Variants in RRAS2 observed in about 807,000 individuals in gnomAD.
RRAS2 encodes the protein RAS related 2.
Under a neutral mutation model 27.6 loss-of-function variants are expected in RRAS2, and 7 were observed. The observed-to-expected ratio is 0.25, with a 90% CI of 0.14 to 0.48. The LOEUF (loss-of-function observed/expected upper bound fraction) is 0.48. Among genes scored for constraint, RRAS2 ranks in the 20% least tolerant of loss-of-function variants. RRAS2 has a pLI of 0.99. For missense variants in RRAS2, 178 were observed against 256.2 expected (o/e 0.69, Z 2.08); for synonymous variants, 86 against 90.9 (o/e 0.95, Z 0.31).
intron 1 of RRAS2, among the ~76,000 whole-genome samples, chr11:14,316,187 G>A (rs1170202009): frequency 3.3e-5 from 5 of 151,980 alleles, no homozygotes; most frequent in South Asian, 2.1e-4. Context: ...AGTGACAATC[G>A]CACAGTGCAA....
chr11:14,288,957 T>G (rs1458136084), intron 4 of RRAS2, among the ~76,000 whole-genome samples: 1 of 152,240 alleles, frequency 6.6e-6, no homozygotes, highest in African/African-American at 2.4e-5. Context: ...CAAATACTTA[T>G]TTAGTGCATA....
At position 14,364,376 on chromosome 11, in the gene RRAS2, G is replaced by A. The variant is rs1554956481; in HGVS notation, c.-124+15C>T. 6 of 1,535,908 alleles carry A rather than the reference G, an allele frequency of 3.9e-6. No homozygotes were observed. In the South Asian group the frequency reaches 5.9e-5, roughly 15 times the overall value. ...AAGAAGGCCAAGCCCCCAGATCAGAGCCTGCAATACTTACCATGGGTGATG... is the reference window on the plus strand; with the variant it reads ...AAGAAGGCCAAGCCCCCAGATCAGAACCTGCAATACTTACCATGGGTGATG... On this transcript the variant is annotated intron_variant, in intron 1 of 5. Transcript: ENST00000529237.
chr11:14,316,047 GA>G (rs1348906214), intron 1 of RRAS2, among the ~76,000 whole-genome samples: 2 of 152,066 alleles, frequency 1.3e-5, no homozygotes, highest in Non-Finnish European at 2.9e-5. Context: ...ACGTAGTTCA[GA>G]AGAGATTTTA....
At chr11:14,314,684 T>G (rs887633590) in intron 1 of RRAS2, among the ~76,000 whole-genome samples, 1 of 152,106 alleles carries the variant, frequency 6.6e-6, no homozygotes, top group Non-Finnish European at 1.5e-5. Context: ...AGGCACATGG[T>G]TTTTTTGTAG....
chr11:14,311,185 T>A lies in RRAS2; in HGVS notation c.109-15330A>T, dbSNP rs184503163. On this transcript the variant is annotated intron_variant, in intron 1 of 5. Transcript: ENST00000256196. Reference sequence around the variant, plus strand: ...CAACATAGCAAGACCTATAAAAAAATAACCTAAAAATTGACCCGGTGTGGT... The same window carrying A: ...CAACATAGCAAGACCTATAAAAAAAAAACCTAAAAATTGACCCGGTGTGGT... Among the ~76,000 whole-genome samples, 1,184 of 151,956 alleles carry A rather than the reference T, an allele frequency of 7.8e-3. 8 individuals carry two copies. Among genetic ancestry groups the A allele is most frequent in the Non-Finnish European group, 0.014 (956 of 67,942 alleles).
At chr11:14,346,100 G>A (rs1384433760) in intron 1 of RRAS2, among the ~76,000 whole-genome samples, 1 of 151,970 alleles carries the variant, frequency 6.6e-6, no homozygotes, top group Non-Finnish European at 1.5e-5. Flanking sequence ...GAGAAATCAA[G>A]GGCACTAAAT....
chr11:14,287,744 G>A, intron 4 of RRAS2, among the ~76,000 whole-genome samples: 1 of 151,654 alleles, frequency 6.6e-6, no homozygotes, highest in South Asian at 2.1e-4. Context: ...TGATGGCACG[G>A]GCCTGTAATC....
chr11:14,338,715 T>G (rs1848638592), intron 1 of RRAS2, among the ~76,000 whole-genome samples: 1 of 152,174 alleles, frequency 6.6e-6, no homozygotes, highest in African/African-American at 2.4e-5. Flanking sequence ...AATCCTAATT[T>G]TTTTTAAACC....
intron 1 of RRAS2, chr11:14,337,257 T>C (rs1190983514): frequency 6.6e-6 from 1 of 152,218 alleles, no homozygotes; most frequent in Non-Finnish European, 1.5e-5. Context: ...GGACAATGAA[T>C]CATCCCTTTG....
At chr11:14,348,383 C>G (rs1199442693) in intron 1 of RRAS2, among the ~76,000 whole-genome samples, 2 of 152,178 alleles carry the variant, frequency 1.3e-5, no homozygotes, top group East Asian at 1.9e-4. Context: ...CTTTCACATA[C>G]TAGTTTTAAC....
chr11:14,360,802 T>C (rs1849181369), upstream of RRAS2, among the ~76,000 whole-genome samples: 1 of 151,318 alleles, frequency 6.6e-6, no homozygotes, highest in Admixed American at 6.6e-5. Context: ...GCACTTGTAC[T>C]CTCCGCTACT....
chr11:14,344,265 T>C (rs1470534011), intron 1 of RRAS2, among the ~76,000 whole-genome samples: 1 of 152,230 alleles, frequency 6.6e-6, no homozygotes, highest in Non-Finnish European at 1.5e-5. Flanking sequence ...AATTTAAACA[T>C]CTGCAACTCG....
intron 1 of RRAS2, among the ~76,000 whole-genome samples, chr11:14,322,585 A>G (rs1416159015): frequency 1.8e-4 from 28 of 152,158 alleles, no homozygotes; most frequent in African/African-American, 6.8e-4. Context: ...TTTTTTCCAA[A>G]TTATTTACCT....
intron 1 of RRAS2, among the ~76,000 whole-genome samples, chr11:14,316,154 G>A (rs1391850990): frequency 6.6e-6 from 1 of 152,124 alleles, no homozygotes; most frequent in Non-Finnish European, 1.5e-5. Flanking sequence ...ATATTTGACT[G>A]TTTCCTCATT....
At chr11:14,293,260 C>T (rs1172828422) in intron 4 of RRAS2, among the ~76,000 whole-genome samples, 2 of 148,608 alleles carry the variant, frequency 1.3e-5, no homozygotes, top group South Asian at 2.1e-4. Context: ...AGAAAGCTGC[C>T]CTCAAAGCTG....
intron 4 of RRAS2, 31 bp downstream of exon 4, chr11:14,294,440 T>C (rs782085377): frequency 8.7e-6 from 12 of 1,381,678 alleles, no homozygotes; most frequent in Middle Eastern, 2.5e-4. Context: ...TTATAAACAA[T>C]TGGTTTCCCA....
intron 1 of RRAS2, among the ~76,000 whole-genome samples, chr11:14,305,623 C>T (rs1176525586): frequency 6.6e-6 from 1 of 152,158 alleles, no homozygotes; most frequent in African/African-American, 2.4e-5. Context: ...ATCTCTCTTC[C>T]CACTGTCCTC....
chr11:14,281,823 G>A, intron 4 of RRAS2, 103 bp from the exon 5 acceptor site: 1 of 991,484 alleles, frequency 1.0e-6, no homozygotes, highest in Non-Finnish European at 1.5e-6. Flanking sequence ...AAGAGGCCAA[G>A]TTGTTTTATC....
intron 4 of RRAS2, among the ~76,000 whole-genome samples, chr11:14,289,301 A>G (rs1285536551): frequency 1.3e-5 from 2 of 152,224 alleles, no homozygotes; most frequent in African/African-American, 4.8e-5. Flanking sequence ...AAAAGAGGGA[A>G]CAACCAAGGT....
Sources: allele counts gnomAD v4.1 joint callset (sites outside exome capture counted in the v4.1 genomes callset), GRCh38; gene constraint gnomAD v4.1.1; transcripts MANE v1.5; gene names NCBI Gene and HGNC (gene_info 2026-07-23, HGNC 2026-07-21).